The following MAPK6 variants were observed in gnomAD, a reference collection of about 807,000 sequenced individuals.
MAPK6 encodes ERK-3.
In MAPK6, 19 loss-of-function variants were observed where a neutral mutation model predicts 59.3. The ratio of observed to expected loss-of-function variants is 0.32; its 90% CI spans 0.22 to 0.47. The LOEUF (loss-of-function observed/expected upper bound fraction) is 0.47, where lower values mean the gene tolerates loss of function less well. Among genes scored for constraint, MAPK6 ranks in the 20% least tolerant of loss-of-function variants. The pLI is 1.00. For missense variants in MAPK6, 724 were observed against 847.9 expected (o/e 0.85, Z 1.81); for synonymous variants, 316 against 290.3 (o/e 1.09, Z -0.90).
rs184455383 is a variant in MAPK6, at chr15:52,054,237, G to A, written c.700+4100G>A. On this transcript the variant is annotated intron_variant, in intron 3 of 5. Transcript: ENST00000261845. The stretch of plus-strand genomic sequence containing the variant: ...ACAAAAATTAGCTGGGCATGGTGGC[G>A]CGCACCTACAATCCCAGCTACTCGG... Among the ~76,000 whole-genome samples, 266 of 151,800 alleles carry A rather than the reference G, an allele frequency of 1.8e-3. 2 individuals are homozygous for A. The highest frequency in any genetic ancestry group is 5.9e-3 in the African/African-American group (245 of 41,380).
intron 3 of MAPK6, 95 bp downstream of exon 3, chr15:52,050,232 T>C: frequency 8.7e-7 from 1 of 1,145,010 alleles, no homozygotes; most frequent in Non-Finnish European, 1.2e-6. Context: ...AAATAATTTG[T>C]TATGATCTGT....
intron 5 of MAPK6, among the ~76,000 whole-genome samples, chr15:52,062,562 C>T (rs191724266): frequency 8.4e-4 from 128 of 152,054 alleles, no homozygotes; most frequent in African/African-American, 3.0e-3. Flanking sequence ...GTCAGGAGTT[C>T]GAGACCAGCC....
At chr15:52,003,337 A>T (rs116211131) in intron 2 of MAPK6, among the ~76,000 whole-genome samples, 2,698 of 152,240 alleles carry the variant, frequency 0.018, 79 homozygotes, top group African/African-American at 0.061. Context: ...GATTATGGGG[A>T]TTACAATTTG....
chr15:51,980,189 G>A (rs946890707), intron 1 of MAPK6, among the ~76,000 whole-genome samples: 1 of 150,888 alleles, frequency 6.6e-6, no homozygotes, highest in South Asian at 2.1e-4. Flanking sequence ...CAGCTACTTG[G>A]GAGGCTGAGG....
At chr15:52,045,196 G>A (rs2031560429) in intron 1 of MAPK6, among the ~76,000 whole-genome samples, 1 of 152,086 alleles carries the variant, frequency 6.6e-6, no homozygotes. Context: ...CCACTATTGT[G>A]TGAAAGTTTG....
At chr15:52,033,903 G>C (rs1211583113) in intron 1 of MAPK6, 3 of 151,064 alleles carry the variant, frequency 2.0e-5, no homozygotes, top group Non-Finnish European at 4.4e-5. Context: ...TGATAAATCA[G>C]CTATCATTCT....
Position 52,058,755 on chromosome 15 carries a change from C to T in MAPK6, c.823C>T (p.His275Tyr). The change falls in exon 4 of 6, where the codon CAC becomes TAC. Residue 275 changes from histidine (H) to tyrosine (Y), a missense_variant. By Grantham distance (83) the His-to-Tyr change is moderately conservative (BLOSUM62 2). Around this residue, in one of 4 missense-constraint regions of MAPK6, gnomAD observed 105 missense variants for 191.9 expected, o/e 0.55. Coordinates refer to ENST00000261845, the MANE Select transcript of MAPK6 (RefSeq NM_002748.4). ...CATTAGAAATGACATGACTGAGCCA[C>T]ACAAACCTTTAACTCAGCTGCTTCC... is the stretch of plus-strand genomic sequence containing the variant. The part of the protein sequence containing the change: ...VYIRNDMTEP[H>Y]KPLTQLLPGI... 6.2e-7 allele frequency: 1 copy of T among 1,613,172 alleles called. No individual in the cohort carries two copies. Among genetic ancestry groups the T allele is most frequent in the Non-Finnish European group, 8.5e-7 (1 of 1,179,572 alleles).
chr15:52,035,542 T>C (rs2141884360), intron 1 of MAPK6: 1 of 152,202 alleles, frequency 6.6e-6, no homozygotes, highest in South Asian at 2.1e-4. Flanking sequence ...AAGAATCGCT[T>C]GAACCCGGGA....
In MAPK6 at chr15:52,064,093, C is replaced by T; in HGVS notation, c.1259C>T (p.Ser420Phe). 3 of 1,612,030 alleles carry T rather than the reference C, an allele frequency of 1.9e-6. No individual in the cohort carries two copies. The highest frequency in any genetic ancestry group is 2.2e-5 in the South Asian group (2 of 90,758). ...LEDPAFDTNYSTEPCWQYSDH... is the reference protein window; with the variant it reads ...LEDPAFDTNYFTEPCWQYSDH... The stretch of plus-strand genomic sequence containing the variant: ...GATCCTGCTTTTGATACCAATTACT[C>T]TACTGAGCCTTGTTGGCAATACTCA... Residue 420 changes from serine to phenylalanine, a missense_variant, in exon 6 of 6, where the codon TCT becomes TTT. Transcript: ENST00000261845.
chr15:52,004,243 C>A (rs572247162), intron 2 of MAPK6: 1 of 152,192 alleles, frequency 6.6e-6, no homozygotes, highest in Non-Finnish European at 1.5e-5. Context: ...TTTACAAATA[C>A]GTCTTTCCTC....
chr15:52,022,637 G>GT (rs566138740), intron 1 of MAPK6, among the ~76,000 whole-genome samples: 194 of 147,392 alleles, frequency 1.3e-3, no homozygotes, highest in African/African-American at 3.1e-3. Context: ...ATACCTAGAG[G>GT]TTTTTTTTTT....
intron 3 of MAPK6, among the ~76,000 whole-genome samples, chr15:52,053,632 TTGATTGATTGATTGATTGA>T (rs775014387): frequency 0.026 from 3,442 of 134,958 alleles, 92 homozygotes; most frequent in East Asian, 0.079. Context: ...GATTGGTTGA[TTGATTGATTGATTGATTGA>T]TTTTTTAAGA....
At chr15:52,061,537 G>C in intron 5 of MAPK6, 37 bp downstream of exon 5, 1 of 1,492,040 alleles carries the variant, frequency 6.7e-7, no homozygotes, top group Non-Finnish European at 9.3e-7. Flanking sequence ...AATATTTACT[G>C]AACTTTCAGT....
chr15:52,034,106 C>T (rs1004607370), intron 1 of MAPK6: 2 of 152,136 alleles, frequency 1.3e-5, no homozygotes, highest in Admixed American at 6.6e-5. Context: ...CCGCCTCAGC[C>T]TCCTGAGTAG....
At chr15:52,058,606 GTTT>G (rs772615243) in intron 3 of MAPK6, 24 bp from the exon 4 acceptor site, 36 of 1,561,868 alleles carry the variant, frequency 2.3e-5, no homozygotes, top group Non-Finnish European at 3.0e-5. Context: ...TGAGGAATGT[GTTT>G]TTTTGTTTGT....
intron 1 of MAPK6, among the ~76,000 whole-genome samples, chr15:51,972,229 T>G (rs889711951): frequency 2.0e-5 from 3 of 152,058 alleles, no homozygotes; most frequent in Non-Finnish European, 4.4e-5. Context: ...ACCTCCACTG[T>G]CCGGGTTCAA....
At chr15:52,032,153 C>T (rs899659498) in intron 1 of MAPK6, among the ~76,000 whole-genome samples, 14 of 149,070 alleles carry the variant, frequency 9.4e-5, no homozygotes, top group South Asian at 4.3e-4. Flanking sequence ...GGATTACAGG[C>T]GTGAGCCACC....
intron 2 of MAPK6, among the ~76,000 whole-genome samples, chr15:51,984,920 T>G (rs1363151996): frequency 5.9e-5 from 9 of 152,310 alleles, no homozygotes. Flanking sequence ...TGTGAGTTTG[T>G]TTTGTTTTTT....
chr15:51,976,086 G>A (rs1305330445), intron 1 of MAPK6, among the ~76,000 whole-genome samples: 1 of 151,594 alleles, frequency 6.6e-6, no homozygotes, highest in Non-Finnish European at 1.5e-5. Context: ...CTAACACGGT[G>A]AAACCCCATC....
Sources: allele counts gnomAD v4.1 joint callset (sites outside exome capture counted in the v4.1 genomes callset), GRCh38; gene constraint gnomAD v4.1.1; regional missense constraint gnomAD v4.1.1; transcripts MANE v1.5; gene names NCBI Gene and HGNC (gene_info 2026-07-23, HGNC 2026-07-21).